The following HNF4G variants were observed in gnomAD, a reference collection of about 807,000 sequenced individuals.
HNF4G encodes hepatocyte nuclear factor 4-gamma.
In HNF4G, 21 loss-of-function variants were observed where a neutral mutation model predicts 50.9. The ratio of observed to expected loss-of-function variants is 0.41; its 90% CI spans 0.29 to 0.59. The LOEUF is 0.59. HNF4G is among the 20% of genes least tolerant of loss of function. The probability of loss-of-function intolerance (pLI) is 0.26; values close to 1 mark genes in which losing one functional copy is unlikely to be tolerated. For synonymous variants in HNF4G, 198 were observed against 185.6 expected, an observed-to-expected ratio of 1.07 and a Z score of -0.54; for missense variants, 527 against 559.4, an observed-to-expected ratio of 0.94 and a Z score of 0.58.
chr8:75,459,757 T>C (rs1811802125), intron 1 of HNF4G, among the ~76,000 whole-genome samples: 1 of 152,184 alleles, frequency 6.6e-6, no homozygotes, highest in African/African-American at 2.4e-5. Flanking sequence ...ACCCAGATGA[T>C]CTGGTGGCAG....
intron 2 of HNF4G, among the ~76,000 whole-genome samples, chr8:75,515,647 A>G (rs1314358815): frequency 6.6e-6 from 1 of 152,200 alleles, no homozygotes; most frequent in Non-Finnish European, 1.5e-5. Context: ...GTCCAAAAGC[A>G]GAAGAAAATG....
rs1228043564 is a variant in HNF4G, at chr8:75,551,289, T to C, written c.383-99T>C. On this transcript the variant is annotated intron_variant, in intron 3 of 9. Coordinates refer to ENST00000396423, the MANE Select transcript of HNF4G (RefSeq NM_004133.5). ...TTCCAAGGTCTTTTAGAAAGACTTT[T>C]TCTCACTTTTTTTACTTAAAAAAAA... 4.7e-6 allele frequency: 3 copies of C among 638,802 alleles called. No individual in the cohort carries two copies. The East Asian group carries it at 8.4e-5, about 18-fold the overall frequency. The allele number at this position is 638,802 out of a possible 1,614,324, so 39.6% of individuals were successfully genotyped here. A position where few individuals can be genotyped will look rare whatever the true frequency, so the allele number is the denominator to read the frequency against.
At chr8:75,551,660 C>T (rs1806964150) in intron 4 of HNF4G, among the ~76,000 whole-genome samples, 166 bp downstream of exon 4, 1 of 152,160 alleles carries the variant, frequency 6.6e-6, no homozygotes, top group Non-Finnish European at 1.5e-5. Flanking sequence ...GGACTGCTGA[C>T]TTAATTTTGA....
At chr8:75,459,297 T>C (rs1811791861) in intron 1 of HNF4G, among the ~76,000 whole-genome samples, 1 of 152,196 alleles carries the variant, frequency 6.6e-6, no homozygotes, top group African/African-American at 2.4e-5. Flanking sequence ...TAAAGTGTCA[T>C]GAGTTCTTAG....
chr8:75,453,443 T>C (rs1276025559), intron 1 of HNF4G, among the ~76,000 whole-genome samples: 1 of 152,150 alleles, frequency 6.6e-6, no homozygotes, highest in Non-Finnish European at 1.5e-5. Flanking sequence ...CTCTGTTAAA[T>C]GGACCAATCA....
At chr8:75,475,316 A>AT (rs776995324) in intron 1 of HNF4G, among the ~76,000 whole-genome samples, 45 of 152,342 alleles carry the variant, frequency 3.0e-4, no homozygotes, top group East Asian at 9.6e-4. Flanking sequence ...CCAAATAATT[A>AT]TTTTTTAAAA....
intron 1 of HNF4G, among the ~76,000 whole-genome samples, chr8:75,541,637 T>A (rs1221220719): frequency 6.6e-6 from 1 of 152,124 alleles, no homozygotes; most frequent in Non-Finnish European, 1.5e-5. Flanking sequence ...ATTATCCTTT[T>A]GTTAGCTATA....
At chr8:75,506,136 A>G (rs904294024) in intron 2 of HNF4G, among the ~76,000 whole-genome samples, 6 of 152,036 alleles carry the variant, frequency 3.9e-5, no homozygotes, top group African/African-American at 1.4e-4. Flanking sequence ...TTTTCTTTCT[A>G]TCTCTTCATA....
intron 2 of HNF4G, among the ~76,000 whole-genome samples, chr8:75,493,065 A>G (rs1812673606): frequency 6.6e-6 from 1 of 152,136 alleles, no homozygotes; most frequent in African/African-American, 2.4e-5. Context: ...GTATGTAGTC[A>G]TATACATATG....
At chr8:75,522,327 A>G (rs956491684) in intron 2 of HNF4G, among the ~76,000 whole-genome samples, 4 of 152,222 alleles carry the variant, frequency 2.6e-5, no homozygotes, top group African/African-American at 4.8e-5. Context: ...TTACATGAAT[A>G]TTAATGTTAT....
At chr8:75,514,807 G>T (rs1805849584) in intron 2 of HNF4G, among the ~76,000 whole-genome samples, 1 of 151,816 alleles carries the variant, frequency 6.6e-6, no homozygotes, top group Non-Finnish European at 1.5e-5. Context: ...TTTATTTTAT[G>T]ATTTCTTTAT....
intron 2 of HNF4G, among the ~76,000 whole-genome samples, chr8:75,520,064 T>A (rs933291100): frequency 6.6e-6 from 1 of 152,172 alleles, no homozygotes; most frequent in African/African-American, 2.4e-5. Flanking sequence ...TTTTACTTCT[T>A]TTGTTTACTT....
intron 6 of HNF4G, among the ~76,000 whole-genome samples, chr8:75,557,910 C>T (rs1451233178): frequency 6.6e-6 from 1 of 152,088 alleles, no homozygotes; most frequent in African/African-American, 2.4e-5. Context: ...TGGTCCAGCT[C>T]GCTACCCAAT....
intron 1 of HNF4G, among the ~76,000 whole-genome samples, chr8:75,470,150 GC>G (rs1432494303): frequency 6.6e-6 from 1 of 152,168 alleles, no homozygotes; most frequent in Non-Finnish European, 1.5e-5. Flanking sequence ...TTGCTCTTAA[GC>G]CTTTCAGGAT....
chr8:75,445,325 C>G (rs369670606), intron 1 of HNF4G, among the ~76,000 whole-genome samples: 1 of 38,232 alleles, frequency 2.6e-5, no homozygotes, highest in South Asian at 1.0e-3. Flanking sequence ...CAAGAGAAAG[C>G]AGGAAAGATC....
At chr8:75,520,238 A>G (rs1806003867) in intron 2 of HNF4G, among the ~76,000 whole-genome samples, 2 of 152,122 alleles carry the variant, frequency 1.3e-5, no homozygotes. Flanking sequence ...AAATAGCATA[A>G]TAAAGAATTT....
intron 1 of HNF4G, among the ~76,000 whole-genome samples, chr8:75,426,554 C>T (rs1810893782): frequency 6.6e-6 from 1 of 152,216 alleles, no homozygotes; most frequent in Admixed American, 6.5e-5. Context: ...GGTGTGCCGG[C>T]AATAAATATT....
chr8:75,451,187 TTTTTG>T (rs1021112360), intron 1 of HNF4G, among the ~76,000 whole-genome samples: 1 of 152,078 alleles, frequency 6.6e-6, no homozygotes. Context: ...GGATTACTTG[TTTTTG>T]TTTTGTTTTG....
chr8:75,515,844 C>T (rs1805873207), intron 2 of HNF4G, among the ~76,000 whole-genome samples: 1 of 151,842 alleles, frequency 6.6e-6, no homozygotes, highest in Non-Finnish European at 1.5e-5. Flanking sequence ...CGGCTCACCA[C>T]AACCTCCCCC....
Sources: allele counts gnomAD v4.1 joint callset (sites outside exome capture counted in the v4.1 genomes callset), GRCh38; gene constraint gnomAD v4.1.1; transcripts MANE v1.5; gene names NCBI Gene and HGNC (gene_info 2026-07-23, HGNC 2026-07-21).